Variants in SRGAP3 observed in about 807,000 individuals in gnomAD.
The protein encoded by SRGAP3 is SLIT-ROBO Rho GTPase-activating protein 3.
SRGAP3 carries 39 observed loss-of-function variants against 121.1 expected under a neutral mutation model. The ratio of observed to expected loss-of-function variants is 0.32; its 90% CI spans 0.25 to 0.42. The LOEUF is 0.42. SRGAP3 is among the 10% of genes least tolerant of loss of function. The pLI, the probability that SRGAP3 is intolerant of heterozygous loss-of-function variation, is 1.00. For synonymous variants in SRGAP3, 601 were observed against 570.0 expected (o/e 1.05, Z -0.77); for missense variants, 1,213 against 1,470.6 (o/e 0.82, Z 2.86).
rs1345743658 is a variant in SRGAP3 at position 9,080,994 on chromosome 3, T to A, written c.424-907A>T. The stretch of plus-strand genomic sequence containing the variant: ...ATGTGCTTCAATCATCCCGAAACCA[T>A]CGCCCCACCCTGGTCCATGGAAAAA... On this transcript the variant is annotated intron_variant, in intron 3 of 21. Coordinates refer to ENST00000383836, the MANE Select transcript of SRGAP3 (RefSeq NM_014850.4). 4.2e-4 allele frequency among the ~76,000 whole-genome samples: 64 copies of A among 152,106 alleles called. 1 individual carries two copies. The highest frequency in any genetic ancestry group is 4.1e-3 in the Admixed American group (63 of 15,272).
chr3:9,362,364 A>G (rs1402009456), intron 1 of SRGAP3, among the ~76,000 whole-genome samples: 2 of 150,302 alleles, frequency 1.3e-5, no homozygotes, highest in African/African-American at 2.4e-5. Context: ...GAGTTTCACC[A>G]TGTTGGCCAG....
intron 1 of SRGAP3, among the ~76,000 whole-genome samples, chr3:9,170,857 G>T (rs1221825077): frequency 6.6e-6 from 1 of 152,204 alleles, no homozygotes; most frequent in Non-Finnish European, 1.5e-5. Flanking sequence ...GGTGTGTAAT[G>T]AGCACTGTCT....
intron 3 of SRGAP3, among the ~76,000 whole-genome samples, chr3:9,286,845 G>T (rs922106933): frequency 6.6e-6 from 1 of 151,648 alleles, no homozygotes; most frequent in Non-Finnish European, 1.5e-5. Flanking sequence ...CTCATGATCT[G>T]CCTGCCTCAG....
At chr3:9,150,498 G>C (rs1950178665) in intron 1 of SRGAP3, among the ~76,000 whole-genome samples, 1 of 152,090 alleles carries the variant, frequency 6.6e-6, no homozygotes, top group Admixed American at 6.5e-5. Flanking sequence ...GAAGGCAAAG[G>C]CCACAGAACA....
chr3:9,353,483 G>T (rs897383345), intron 1 of SRGAP3, among the ~76,000 whole-genome samples: 6 of 152,196 alleles, frequency 3.9e-5, no homozygotes, highest in Non-Finnish European at 5.9e-5. Context: ...GAAATTCAAG[G>T]AGAAGAATAA....
At chr3:9,268,794 C>G (rs1954418223) in intron 3 of SRGAP3, among the ~76,000 whole-genome samples, 1 of 152,178 alleles carries the variant, frequency 6.6e-6, no homozygotes, top group Non-Finnish European at 1.5e-5. Context: ...GATTGTAAAT[C>G]AGGTCACACT....
chr3:9,076,741 A>G (rs1575034933), intron 4 of SRGAP3, among the ~76,000 whole-genome samples: 2 of 147,856 alleles, frequency 1.4e-5, no homozygotes, highest in African/African-American at 2.5e-5. Flanking sequence ...TCTCTCACAC[A>G]TGTGCATCTC....
chr3:8,985,630 C>A lies in SRGAP3; in HGVS notation c.3189G>T (p.Val1063=), dbSNP rs1574845300. 1 of 1,595,030 alleles carries A rather than the reference C, an allele frequency of 6.3e-7. No individual in the cohort carries two copies. The highest frequency in any genetic ancestry group is 8.5e-7 in the Non-Finnish European group (1 of 1,177,604). The change falls in exon 22 of 22, where the codon GTG becomes GTT. Residue 1063 remains valine (V), a synonymous_variant. Coordinates refer to ENST00000383836, the MANE Select transcript of SRGAP3 (RefSeq NM_014850.4). This position sits in a 1 kb window ranked among gnomAD's most constrained non-coding sequence, Gnocchi z 5.1. ...RPPPMRPVRP[V]VQHRSSSSSS... ...TGCTGCTGCTGGACCGGTGCTGGAC[C>A]ACCGGCCGCACGGGCCGCATGGGGG... is the stretch of plus-strand genomic sequence containing the variant.
At position 9,249,142 on chromosome 3, in the gene SRGAP3, G is replaced by A. The variant is rs1953927405; in HGVS notation, c.-191C>T. 1.5e-6 allele frequency: 1 copy of A among 652,416 alleles called. No individual in the cohort carries two copies. Among genetic ancestry groups the A allele is most frequent in the African/African-American group, 1.8e-5 (1 of 55,274 alleles). The allele number at this position is 652,416 out of a possible 1,614,324, so 40.4% of individuals were successfully genotyped here. ...TCTGGAAGGAAAAATCTCTTTACTT[G>A]CCGAGAAATGGCTCTAGTAGCTTGC... On this transcript the variant is annotated 5_prime_UTR_variant, in exon 1 of 22. Transcript: ENST00000383836.
intron 3 of SRGAP3, among the ~76,000 whole-genome samples, chr3:9,274,442 G>A (rs551855028): frequency 6.6e-6 from 1 of 152,298 alleles, no homozygotes; most frequent in Admixed American, 6.5e-5. Context: ...GAGCCAGGGC[G>A]AGTACTTTTG....
chr3:9,007,057 G>A (rs1320042902), intron 18 of SRGAP3: 1 of 150,826 alleles, frequency 6.6e-6, no homozygotes, highest in Non-Finnish European at 1.5e-5. Flanking sequence ...ACCTCCCTGG[G>A]CTTAAGTAAT....
intron 1 of SRGAP3, among the ~76,000 whole-genome samples, chr3:9,174,614 C>T (rs1042050766): frequency 3.3e-5 from 5 of 152,202 alleles, no homozygotes; most frequent in African/African-American, 1.2e-4. Context: ...CCAGCAAAGA[C>T]GCACAGGCGG....
At chr3:9,058,141 C>G (rs761835021) in intron 7 of SRGAP3, 110 bp downstream of exon 7, 41 of 1,197,882 alleles carry the variant, frequency 3.4e-5, no homozygotes, top group Non-Finnish European at 4.9e-5. Flanking sequence ...GAGCTTGACC[C>G]CAGGCGTCGG....
chr3:9,286,013 GAAGT>G (rs1418026884), intron 3 of SRGAP3, among the ~76,000 whole-genome samples: 1 of 151,850 alleles, frequency 6.6e-6, no homozygotes, highest in East Asian at 1.9e-4. Flanking sequence ...CTGGGAGGCT[GAAGT>G]GAGTAGACTG....
At position 9,349,008 on chromosome 3, in the gene SRGAP3, C is replaced by A. The variant is rs746258222; in HGVS notation, n.214+13832G>T. 4 of 932,856 alleles carry A rather than the reference C, an allele frequency of 4.3e-6. No homozygotes were observed. The Middle Eastern group carries it at 9.4e-4, about 219-fold the overall frequency. The allele number at this position is 932,856 out of a possible 1,614,324, so 57.8% of individuals were successfully genotyped here. A position where few individuals can be genotyped will look rare whatever the true frequency, so the allele number is the denominator to read the frequency against. ...ATTGCAGCCCATGGCAACAGCCCCC[C>A]GGGCATTGTCAAGCATCTGGAGGGC... On this transcript the variant is annotated intron_variant and non_coding_transcript_variant, in intron 1 of 3. Coordinates refer to the SRGAP3 transcript ENST00000490889.
intron 12 of SRGAP3, among the ~76,000 whole-genome samples, chr3:9,028,637 T>A (rs565805485): frequency 1.3e-5 from 2 of 152,274 alleles, no homozygotes; most frequent in Non-Finnish European, 2.9e-5. Context: ...AAAAGTTCAG[T>A]TCTAACAAGA....
At position 8,985,311 on chromosome 3, in the gene SRGAP3, T is replaced by C; in HGVS notation, c.*208A>G. ...GAGCTCCAGCACTCCTCTGGTCGTCTGTTGACACGCGAGAGGTCCGTGGGA... is the reference window on the plus strand; with the variant it reads ...GAGCTCCAGCACTCCTCTGGTCGTCCGTTGACACGCGAGAGGTCCGTGGGA... On this transcript the variant is annotated 3_prime_UTR_variant, in exon 22 of 22. Coordinates refer to ENST00000383836, the MANE Select transcript of SRGAP3 (RefSeq NM_014850.4). The surrounding 1 kb of genome is among the most constrained non-coding windows in gnomAD (Gnocchi z 5.1). The C allele has an allele frequency of 8.8e-7, 1 of 1,138,722 alleles. No individual in the cohort carries two copies. The highest frequency in any genetic ancestry group is 2.8e-5 in the East Asian group (1 of 35,530). The allele number at this position is 1,138,722 out of a possible 1,614,324, so 70.5% of individuals were successfully genotyped here.
At chr3:9,234,845 TCTCCA>T (rs1953348828) in intron 1 of SRGAP3, among the ~76,000 whole-genome samples, 1 of 151,040 alleles carries the variant, frequency 6.6e-6, no homozygotes, top group Non-Finnish European at 1.5e-5. Flanking sequence ...GCAGGGAGGG[TCTCCA>T]GCTGCTGAAG....
intron 3 of SRGAP3, among the ~76,000 whole-genome samples, chr3:9,297,372 A>C (rs969549405): frequency 6.6e-6 from 1 of 152,152 alleles, no homozygotes; most frequent in African/African-American, 2.4e-5. Context: ...GCTTGAAGTC[A>C]GGCAAATTTG....
Sources: gnomAD v4.1 joint callset for allele counts (sites outside exome capture counted in the v4.1 genomes callset) on GRCh38, gnomAD v4.1.1 for gene constraint, Gnocchi (gnomAD v3.1) non-coding constraint, MANE v1.5 for transcripts, NCBI Gene and HGNC (gene_info 2026-07-23, HGNC 2026-07-21) for gene names.